Variants in KIF15 observed in about 807,000 individuals in gnomAD.
KIF15 encodes the protein kinesin family member 15, also known as kinesin-like protein KIF15.
KIF15 carries 140 observed loss-of-function variants against 190.6 expected under a neutral mutation model. The ratio of observed to expected loss-of-function variants is 0.73; its 90% CI spans 0.64 to 0.84. The LOEUF (loss-of-function observed/expected upper bound fraction) is 0.84. Ranked by LOEUF, KIF15 falls within the 40% of genes least tolerant of loss-of-function variation. The pLI is 0.00. For synonymous variants in KIF15, 528 were observed against 551.3 expected (o/e 0.96, Z 0.59); for missense variants, 1,372 against 1,584.4 (o/e 0.87, Z 2.28).
chr3:44,861,888 C>G lies in KIF15; in HGVS notation c.*59+9094C>G, dbSNP rs576549981. ...CAATCGCGGCGCGCGCTCTGCCCTG[C>G]GGGCAGCGGGTGCCAGGCACGGTGT... On this transcript the variant is annotated intron_variant and NMD_transcript_variant, in intron 6 of 6. Coordinates refer to the KIF15 transcript ENST00000422209. 1.2e-4 allele frequency: 174 copies of G among 1,486,972 alleles called. 4 individuals carry two copies. The South Asian group carries it at 2.1e-3, about 18-fold the overall frequency. 92.1% of individuals were successfully genotyped at this position (1,486,972 alleles called of 1,614,324 possible). A position where few individuals can be genotyped will look rare whatever the true frequency, so the allele number is the denominator to read the frequency against.
intron 6 of KIF15, among the ~76,000 whole-genome samples, chr3:44,865,945 A>G (rs1699317091): frequency 6.6e-6 from 1 of 152,108 alleles, no homozygotes; most frequent in South Asian, 2.1e-4. Context: ...TGGGAAAGAA[A>G]GTGGTTCAGA....
downstream of KIF15, among the ~76,000 whole-genome samples, chr3:44,855,686 GGTT>G (rs1419727742): frequency 2.0e-5 from 3 of 152,100 alleles, no homozygotes; most frequent in East Asian, 1.9e-4. Context: ...GATATTGTGG[GGTT>G]GTTAGAAGGA....
intron 24 of KIF15, 134 bp downstream of exon 24, chr3:44,828,434 C>G: frequency 1.7e-6 from 1 of 592,004 alleles, no homozygotes; most frequent in Non-Finnish European, 3.0e-6. Flanking sequence ...TGCAGTTAAG[C>G]CTTGTTCATC....
chr3:44,857,123 G>A (rs1244388385), downstream of KIF15, among the ~76,000 whole-genome samples: 1 of 152,218 alleles, frequency 6.6e-6, no homozygotes, highest in Non-Finnish European at 1.5e-5. Context: ...TGAATGTCAG[G>A]TGGATCAGAG....
intron 24 of KIF15, among the ~76,000 whole-genome samples, chr3:44,828,732 CA>C (rs1423058364): frequency 6.6e-6 from 1 of 152,136 alleles, no homozygotes; most frequent in Non-Finnish European, 1.5e-5. Flanking sequence ...AAAACCAAAA[CA>C]AATGATTAAA....
chr3:44,864,930 T>C, intron 6 of KIF15: 1 of 1,442,782 alleles, frequency 6.9e-7, no homozygotes. Context: ...CCAAGGCTTC[T>C]GGCTCCAGAC....
chr3:44,829,374 A>G (rs200854463), intron 24 of KIF15, among the ~76,000 whole-genome samples: 1,647 of 136,814 alleles, frequency 0.012, 19 homozygotes, highest in East Asian at 0.028. Context: ...ATATATATAT[A>G]TGTGTGTGTG....
At chr3:44,819,847 T>A (rs1052376114) in intron 20 of KIF15, among the ~76,000 whole-genome samples, 6 of 152,208 alleles carry the variant, frequency 3.9e-5, no homozygotes. Flanking sequence ...CAGTGGGGTG[T>A]TAAAGTCTCC....
chr3:44,831,640 G>C (rs1376428982), intron 26 of KIF15, among the ~76,000 whole-genome samples: 1 of 152,128 alleles, frequency 6.6e-6, no homozygotes, highest in Non-Finnish European at 1.5e-5. Context: ...AGCAGTACAG[G>C]TTAATTTGTA....
At chr3:44,833,904 A>G (rs1271577975) in intron 26 of KIF15, among the ~76,000 whole-genome samples, 1 of 152,188 alleles carries the variant, frequency 6.6e-6, no homozygotes, top group Non-Finnish European at 1.5e-5. Context: ...GTATAAGATG[A>G]TGGGCTAAAA....
At chr3:44,853,365 A>G (rs1575697039), downstream of KIF15, 1 of 152,222 alleles carries the variant, frequency 6.6e-6, no homozygotes, top group Non-Finnish European at 1.5e-5. Context: ...TCTTGCCCTC[A>G]AGGAACTTCT....
At position 44,829,908 on chromosome 3, in the gene KIF15, A is replaced by G. The variant is rs949487160; in HGVS notation, c.2944-63A>G. ...CATTAGGAAAGATAAGTGATTTACC[A>G]TTTAAAAATTTTCTTCTCCTTAATG... On this transcript the variant is annotated intron_variant, in intron 24 of 34. Coordinates refer to ENST00000326047, the MANE Select transcript of KIF15 (RefSeq NM_020242.3). The G allele has an allele frequency of 7.5e-6, 6 of 804,828 alleles. No individual in the cohort carries two copies. The African/African-American group carries it at 8.9e-5, about 12-fold the overall frequency. The allele number at this position is 804,828 out of a possible 1,614,324, so 49.9% of individuals were successfully genotyped here.
chr3:44,868,232 C>CT (rs923959735), intron 6 of KIF15, among the ~76,000 whole-genome samples: 8 of 152,068 alleles, frequency 5.3e-5, no homozygotes, highest in East Asian at 1.9e-4. Context: ...CCTTTTGGGT[C>CT]TTTTTTCACC....
rs111679303 is a variant in KIF15 at position 44,838,194 on chromosome 3, T to C, written c.3172-81T>C. 1,984 of 1,435,188 alleles carry C rather than the reference T, an allele frequency of 1.4e-3. 1 individual carries two copies. Among genetic ancestry groups the C allele is most frequent in the Non-Finnish European group, 1.8e-3 (1,866 of 1,062,780 alleles). The allele number at this position is 1,435,188 out of a possible 1,614,324, so 88.9% of individuals were successfully genotyped here. A position where few individuals can be genotyped will look rare whatever the true frequency, so the allele number is the denominator to read the frequency against. On this transcript the variant is annotated intron_variant, in intron 26 of 34. Coordinates refer to ENST00000326047, the MANE Select transcript of KIF15 (RefSeq NM_020242.3). ...TTTACATAAAACTTCCTTAGTCTGT[T>C]AAAAGTTGTACATAGTAATGATTTG...
At chr3:44,851,123 A>G (rs1333343164) in intron 32 of KIF15, among the ~76,000 whole-genome samples, 1 of 152,278 alleles carries the variant, frequency 6.6e-6, no homozygotes, top group East Asian at 1.9e-4. Context: ...AACATTAGCC[A>G]AGCACAGTGG....
At chr3:44,839,248 G>T (rs544153500) in intron 27 of KIF15, among the ~76,000 whole-genome samples, 2 of 151,788 alleles carry the variant, frequency 1.3e-5, no homozygotes, top group Non-Finnish European at 2.9e-5. Flanking sequence ...GGCCGGCTCC[G>T]GTAGTCCCAG....
chr3:44,816,562 A>C (rs1159059558), intron 20 of KIF15, among the ~76,000 whole-genome samples: 1 of 152,216 alleles, frequency 6.6e-6, no homozygotes, highest in Non-Finnish European at 1.5e-5. Flanking sequence ...CCTGCAAAGG[A>C]CATGAACTCA....
intron 24 of KIF15, among the ~76,000 whole-genome samples, chr3:44,829,420 T>C (rs189391606): frequency 0.01 from 1,412 of 140,034 alleles, 23 homozygotes; most frequent in African/African-American, 0.034. Context: ...ATTACATATG[T>C]ATATATAATA....
intron 1 of KIF15, among the ~76,000 whole-genome samples, chr3:44,763,238 T>G (rs1705224002): frequency 2.6e-5 from 4 of 152,224 alleles, no homozygotes; most frequent in Admixed American, 2.6e-4. Context: ...TGGGAACACA[T>G]GGGAGAAGAG....
Sources: gnomAD v4.1 joint callset for allele counts (sites outside exome capture counted in the v4.1 genomes callset) on GRCh38, gnomAD v4.1.1 for gene constraint, MANE v1.5 for transcripts, NCBI Gene and HGNC (gene_info 2026-07-23, HGNC 2026-07-21) for gene names.